RBFOX1: variants seen among roughly 807,000 people sequenced by gnomAD.
RBFOX1 encodes RNA binding fox-1 homolog 1.
In RBFOX1, 8 loss-of-function variants were observed where a neutral mutation model predicts 57.7. That is an observed-to-expected ratio of 0.14 (90% confidence interval 0.08 to 0.25). The LOEUF is 0.25. Among genes scored for constraint, RBFOX1 ranks in the 10% least tolerant of loss-of-function variants. The probability of loss-of-function intolerance (pLI) is 1.00; values close to 1 mark genes in which losing one functional copy is unlikely to be tolerated. For synonymous variants in RBFOX1, 326 were observed against 222.4 expected, an observed-to-expected ratio of 1.47 and a Z score of -4.15; for missense variants, 611 against 548.5, an observed-to-expected ratio of 1.11 and a Z score of -1.14.
chr16:7,386,689 C>T (rs979076586), intron 4 of RBFOX1, among the ~76,000 whole-genome samples: 21 of 152,024 alleles, frequency 1.4e-4, no homozygotes, highest in African/African-American at 3.9e-4. Flanking sequence ...AGTAATCATA[C>T]GTGTGCATGT....
At chr16:7,661,515 C>T (rs964114843) in intron 12 of RBFOX1, among the ~76,000 whole-genome samples, 3 of 152,176 alleles carry the variant, frequency 2.0e-5, no homozygotes, top group East Asian at 1.9e-4. Context: ...TAGCCTCTCT[C>T]GTCTCTGCTG....
chr16:6,026,940 A>C (rs547974789), intron 1 of RBFOX1, among the ~76,000 whole-genome samples: 1 of 152,342 alleles, frequency 6.6e-6, no homozygotes, highest in Admixed American at 6.5e-5. Flanking sequence ...TGCTCACTCC[A>C]TCTAATCACC....
chr16:5,994,080 A>T (rs906376040), intron 4 of RBFOX1, among the ~76,000 whole-genome samples: 1 of 152,172 alleles, frequency 6.6e-6, no homozygotes, highest in Non-Finnish European at 1.5e-5. Flanking sequence ...GAATGGAGCT[A>T]TGGGGGCTCG....
At chr16:7,382,495 A>T (rs2097796418) in intron 4 of RBFOX1, among the ~76,000 whole-genome samples, 1 of 152,248 alleles carries the variant, frequency 6.6e-6, no homozygotes, top group Admixed American at 6.5e-5. Context: ...CGCTTATTAA[A>T]TACTGACAGT....
intron 3 of RBFOX1, among the ~76,000 whole-genome samples, chr16:6,785,209 G>C (rs2081728168): frequency 6.6e-6 from 1 of 152,044 alleles, no homozygotes; most frequent in African/African-American, 2.4e-5. Flanking sequence ...TGACAAAGGA[G>C]AGAATTTGAG....
intron 4 of RBFOX1, among the ~76,000 whole-genome samples, chr16:7,056,497 C>T (rs8050911): frequency 0.71 from 108,012 of 151,980 alleles, 39,057 homozygotes; most frequent in East Asian, 0.91. Context: ...TGGTGATAGT[C>T]GTACAGTGAC....
chr16:7,631,073 T>G lies in RBFOX1; in HGVS notation c.757+390T>G, dbSNP rs986250136. Among the ~76,000 whole-genome samples, 11 of 152,182 alleles carry G rather than the reference T, an allele frequency of 7.2e-5. 1 individual carries two copies. The highest frequency in any genetic ancestry group is 2.0e-4 in the Admixed American group (3 of 15,280). ...GTAAAAGATGCTTAACCAGGATTCT[T>G]GTACACAGTTGTCTCACGATGGAAA... On this transcript the variant is annotated intron_variant, in intron 11 of 15. Coordinates refer to ENST00000550418, the MANE Select transcript of RBFOX1 (RefSeq NM_018723.4).
intron 2 of RBFOX1, chr16:6,483,312 G>C (rs528721123): frequency 2.8e-6 from 4 of 1,415,364 alleles, no homozygotes; most frequent in Non-Finnish European, 3.7e-6. Context: ...GCGCCCGCGC[G>C]CTCGGGGCGT....
chr16:6,609,127 G>C (rs886652233), intron 2 of RBFOX1, among the ~76,000 whole-genome samples: 5 of 152,110 alleles, frequency 3.3e-5, no homozygotes, highest in Non-Finnish European at 5.9e-5. Context: ...CAGCAACCTT[G>C]ATTCCCTTTT....
chr16:5,908,220 A>ATATATGCACATATATATACATG (rs2058519456), intron 4 of RBFOX1, among the ~76,000 whole-genome samples: 1 of 145,070 alleles, frequency 6.9e-6, no homozygotes, highest in Non-Finnish European at 1.5e-5. Context: ...ATATATACAT[A>ATATATGCACATATATATACATG]TATACACACA....
intron 4 of RBFOX1, among the ~76,000 whole-genome samples, chr16:7,266,120 G>T: frequency 6.6e-6 from 1 of 151,760 alleles, no homozygotes; most frequent in East Asian, 1.9e-4. Context: ...GACTACAGGC[G>T]CTCGCCAATA....
At chr16:6,311,990 G>C (rs540960702) in intron 1 of RBFOX1, among the ~76,000 whole-genome samples, 27 of 152,250 alleles carry the variant, frequency 1.8e-4, no homozygotes, top group African/African-American at 6.0e-4. Flanking sequence ...ATGAGGTCAG[G>C]GGCTGCTGTG....
intron 2 of RBFOX1, among the ~76,000 whole-genome samples, chr16:5,564,278 A>G (rs925340583): frequency 2.6e-5 from 4 of 151,972 alleles, no homozygotes; most frequent in Non-Finnish European, 5.9e-5. Flanking sequence ...TCACACTCCT[A>G]AAGTGCTGGG....
intron 1 of RBFOX1, among the ~76,000 whole-genome samples, chr16:6,219,190 C>A (rs538579805): frequency 6.6e-6 from 1 of 152,110 alleles, no homozygotes; most frequent in African/African-American, 2.4e-5. Flanking sequence ...AAATGAGGGC[C>A]GAGTGCAGTG....
At chr16:7,214,619 A>C (rs1231006541) in intron 4 of RBFOX1, among the ~76,000 whole-genome samples, 1 of 152,020 alleles carries the variant, frequency 6.6e-6, no homozygotes, top group East Asian at 1.9e-4. Flanking sequence ...TTTAGTACAA[A>C]TCTGATCATG....
At chr16:7,304,892 GA>G (rs1291443607) in intron 4 of RBFOX1, among the ~76,000 whole-genome samples, 1 of 151,000 alleles carries the variant, frequency 6.6e-6, no homozygotes. Flanking sequence ...GAGTGGAAAG[GA>G]GAAGTGTGTG....
At chr16:6,968,213 A>G (rs886990877) in intron 3 of RBFOX1, among the ~76,000 whole-genome samples, 1 of 152,174 alleles carries the variant, frequency 6.6e-6, no homozygotes, top group Non-Finnish European at 1.5e-5. Flanking sequence ...AGAGTGACTG[A>G]CAGGCTTTTC....
intron 3 of RBFOX1, among the ~76,000 whole-genome samples, chr16:5,799,270 C>G (rs541874704): frequency 4.6e-5 from 7 of 152,120 alleles, no homozygotes; most frequent in African/African-American, 1.7e-4. Context: ...TCATTTATCT[C>G]CCACTGGGTT....
intron 2 of RBFOX1, among the ~76,000 whole-genome samples, chr16:5,578,711 G>T (rs1056921404): frequency 1.3e-5 from 2 of 152,076 alleles, no homozygotes; most frequent in Non-Finnish European, 2.9e-5. Context: ...ACTCCTCTGT[G>T]AAGTATCAGT....
Sources: allele counts gnomAD v4.1 joint callset (sites outside exome capture counted in the v4.1 genomes callset), GRCh38; gene constraint gnomAD v4.1.1; transcripts MANE v1.5; gene names NCBI Gene and HGNC (gene_info 2026-07-23, HGNC 2026-07-21).